The following CERS6 variants were observed in gnomAD, a reference collection of about 807,000 sequenced individuals.
CERS6 encodes the protein ceramide synthase 6.
CERS6 carries 26 observed loss-of-function variants against 56.8 expected under a neutral mutation model. The observed-to-expected ratio is 0.46, with a 90% CI of 0.34 to 0.63. The LOEUF (loss-of-function observed/expected upper bound fraction) is 0.63. CERS6 is among the 30% of genes least tolerant of loss of function. The probability of loss-of-function intolerance (pLI) is 0.01; values close to 1 mark genes in which losing one functional copy is unlikely to be tolerated. For missense variants in CERS6, 415 were observed against 467.5 expected (o/e 0.89, Z 1.04); for synonymous variants, 164 against 173.3 (o/e 0.95, Z 0.42).
At chr2:168,682,927 C>A (rs574214694) in intron 4 of CERS6, among the ~76,000 whole-genome samples, 2 of 152,248 alleles carry the variant, frequency 1.3e-5, no homozygotes, top group South Asian at 4.1e-4. Flanking sequence ...AAAACGTCAA[C>A]CCTGTATTAT....
chr2:168,479,493 T>C (rs1158310839), intron 1 of CERS6, among the ~76,000 whole-genome samples: 1 of 152,216 alleles, frequency 6.6e-6, no homozygotes, highest in Non-Finnish European at 1.5e-5. Flanking sequence ...AAGGGCACAA[T>C]GTAAGTACTG....
intron 2 of CERS6, among the ~76,000 whole-genome samples, chr2:168,556,991 CAAAAAAAAAAAA>C (rs71003046): frequency 6.1e-4 from 50 of 82,306 alleles, no homozygotes; most frequent in African/African-American, 1.6e-3. Flanking sequence ...CTTGTCTCTA[CAAAAAAAAAAAA>C]AAAAAAAAAA....
intron 3 of CERS6, among the ~76,000 whole-genome samples, chr2:168,620,853 C>G (rs1485490034): frequency 6.6e-6 from 1 of 151,294 alleles, no homozygotes; most frequent in Non-Finnish European, 1.5e-5. Context: ...GCCTTGACCA[C>G]CTAGGCTCAA....
intron 2 of CERS6, among the ~76,000 whole-genome samples, chr2:168,557,104 G>A (rs1695695899): frequency 6.6e-6 from 1 of 151,834 alleles, no homozygotes; most frequent in African/African-American, 2.4e-5. Context: ...GATCCTGGCT[G>A]CAGTGAGCCG....
At chr2:168,701,940 A>G (rs1488215371) in intron 6 of CERS6, among the ~76,000 whole-genome samples, 4 of 152,226 alleles carry the variant, frequency 2.6e-5, no homozygotes, top group Admixed American at 2.0e-4. Flanking sequence ...TCTAGATTAC[A>G]TAATACCTAA....
intron 8 of CERS6, among the ~76,000 whole-genome samples, chr2:168,746,532 T>G (rs1684101003): frequency 6.6e-6 from 1 of 151,624 alleles, no homozygotes; most frequent in Admixed American, 6.6e-5. Context: ...TCTACTGATG[T>G]CTGGTATTTT....
chr2:168,588,830 C>T (rs1420804847), intron 3 of CERS6, among the ~76,000 whole-genome samples: 1 of 152,218 alleles, frequency 6.6e-6, no homozygotes, highest in Non-Finnish European at 1.5e-5. Context: ...CCTCCACCTC[C>T]CGGGTTCAAG....
chr2:168,520,384 G>C (rs910999479), intron 1 of CERS6, among the ~76,000 whole-genome samples: 1 of 151,974 alleles, frequency 6.6e-6, no homozygotes, highest in African/African-American at 2.4e-5. Flanking sequence ...TAGGTTGTCT[G>C]TTTACTCTAT....
intron 3 of CERS6, among the ~76,000 whole-genome samples, chr2:168,581,722 A>G (rs1468296114): frequency 6.6e-6 from 1 of 152,152 alleles, no homozygotes; most frequent in Non-Finnish European, 1.5e-5. Context: ...TAGGGGAAGC[A>G]TAGTTGTTTT....
chr2:168,659,761 A>G (rs1339942213), intron 4 of CERS6, among the ~76,000 whole-genome samples: 1 of 152,022 alleles, frequency 6.6e-6, no homozygotes, highest in African/African-American at 2.4e-5. Context: ...TGGCTTGGTC[A>G]TTACAATGTC....
intron 8 of CERS6, among the ~76,000 whole-genome samples, chr2:168,760,811 AGT>A (rs1282737604): frequency 6.6e-6 from 1 of 151,864 alleles, no homozygotes; most frequent in African/African-American, 2.4e-5. Flanking sequence ...GCTGGAGTGC[AGT>A]GGCGCGATCT....
intron 1 of CERS6, among the ~76,000 whole-genome samples, chr2:168,531,789 C>G (rs1695172080): frequency 6.6e-6 from 1 of 151,014 alleles, no homozygotes; most frequent in Non-Finnish European, 1.5e-5. Flanking sequence ...CCACTGCACT[C>G]CAGCCTGGGC....
intron 3 of CERS6, among the ~76,000 whole-genome samples, chr2:168,600,239 C>G (rs1395914835): frequency 6.7e-6 from 1 of 148,196 alleles, no homozygotes; most frequent in African/African-American, 2.5e-5. Context: ...GAGTCTGGCT[C>G]TGTCGCCCAG....
intron 6 of CERS6, among the ~76,000 whole-genome samples, chr2:168,701,910 C>G (rs1686814079): frequency 1.3e-5 from 2 of 151,984 alleles, no homozygotes; most frequent in African/African-American, 4.8e-5. Flanking sequence ...TGCACATCCT[C>G]CCATATACTT....
intron 4 of CERS6, among the ~76,000 whole-genome samples, chr2:168,646,779 C>T (rs1421993408): frequency 6.6e-6 from 1 of 152,144 alleles, no homozygotes; most frequent in African/African-American, 2.4e-5. Context: ...TATCTCAGCA[C>T]CATTTATTGA....
chr2:168,694,865 A>G (rs1033200066), intron 5 of CERS6, 94 bp from the exon 6 acceptor site: 2 of 916,684 alleles, frequency 2.2e-6, no homozygotes, highest in Non-Finnish European at 3.6e-6. Flanking sequence ...GTGCAAGACC[A>G]TGTTACTTTT....
chr2:168,739,930 G>A (rs1365976640), intron 8 of CERS6, among the ~76,000 whole-genome samples: 1 of 151,814 alleles, frequency 6.6e-6, no homozygotes, highest in African/African-American at 2.4e-5. Flanking sequence ...GGCTGGTCTC[G>A]AACTCCTGAC....
At chr2:168,488,109 A>C (rs974672277) in intron 1 of CERS6, among the ~76,000 whole-genome samples, 10 of 152,180 alleles carry the variant, frequency 6.6e-5, no homozygotes, top group Admixed American at 1.3e-4. Flanking sequence ...TCAAACATGC[A>C]GTGTTTTAGA....
chr2:168,606,133 G>A (rs1684047563), intron 3 of CERS6, among the ~76,000 whole-genome samples: 2 of 152,242 alleles, frequency 1.3e-5, no homozygotes, highest in African/African-American at 4.8e-5. Context: ...AAAGCCACAA[G>A]GGGTGGAGCT....
Sources: gnomAD v4.1 joint callset for allele counts (sites outside exome capture counted in the v4.1 genomes callset) on GRCh38, gnomAD v4.1.1 for gene constraint, MANE v1.5 for transcripts, NCBI Gene and HGNC (gene_info 2026-07-23, HGNC 2026-07-21) for gene names.